WWOX: variants seen among roughly 807,000 people sequenced by gnomAD.
The protein encoded by WWOX is WW domain-containing oxidoreductase.
A neutral mutation model predicts 46.2 loss-of-function variants in WWOX; 69 were observed. That is an observed-to-expected ratio of 1.49 (90% CI 1.23 to 1.82). The LOEUF is 1.82. Among genes scored for constraint, WWOX ranks in the 40% most tolerant of loss-of-function variants. WWOX has a pLI of 0.00. For missense variants in WWOX, 919 were observed against 542.6 expected (o/e 1.69, Z -6.89); for synonymous variants, 359 against 202.6 (o/e 1.77, Z -6.56).
intron 8 of WWOX, among the ~76,000 whole-genome samples, chr16:78,711,855 A>G (rs571331667): frequency 7.2e-5 from 11 of 152,298 alleles, no homozygotes; most frequent in African/African-American, 2.4e-4. Flanking sequence ...ATTATTCCGT[A>G]AACACATCTT....
In WWOX at chr16:78,528,180, T is replaced by C. The variant is rs1345295931; in HGVS notation, c.1056+95428T>C. 3.5e-3 allele frequency among the ~76,000 whole-genome samples: 467 copies of C among 132,252 alleles called. 10 individuals carry two copies. Among genetic ancestry groups the C allele is most frequent in the African/African-American group, 0.013 (443 of 33,550 alleles). The allele number at this position is 132,252 out of a possible 152,430, so 86.8% of individuals were successfully genotyped here. ...CACCTGGCTAATTTTTTTTTTTTTT[T>C]TTTTTTTGCATTTTTAGTCGAGACA... On this transcript the variant is annotated intron_variant, in intron 8 of 8. Transcript: ENST00000566780.
chr16:78,567,389 C>CAAA (rs749420776), intron 8 of WWOX, among the ~76,000 whole-genome samples: 4,042 of 138,544 alleles, frequency 0.029, 71 homozygotes, highest in Middle Eastern at 0.07. Context: ...ACTAAAAATA[C>CAAA]AAAAAAAAAA....
intron 8 of WWOX, among the ~76,000 whole-genome samples, chr16:78,813,965 T>C (rs2051264396): frequency 6.6e-6 from 1 of 152,132 alleles, no homozygotes; most frequent in African/African-American, 2.4e-5. Flanking sequence ...CCACCCCCAA[T>C]TCTATAGGTT....
chr16:79,096,225 C>A (rs1361443345), intron 8 of WWOX, among the ~76,000 whole-genome samples: 1 of 151,972 alleles, frequency 6.6e-6, no homozygotes, highest in Non-Finnish European at 1.5e-5. Flanking sequence ...CCTTTCAGTT[C>A]TTTCTCCACG....
intron 8 of WWOX, among the ~76,000 whole-genome samples, chr16:78,819,170 T>A (rs539667378): frequency 3.9e-4 from 59 of 152,300 alleles, no homozygotes; most frequent in Middle Eastern, 3.4e-3. Flanking sequence ...TTCTTTTGGA[T>A]CTTCTCAGCC....
chr16:78,764,097 C>G (rs2049866950), intron 8 of WWOX, among the ~76,000 whole-genome samples: 1 of 152,150 alleles, frequency 6.6e-6, no homozygotes, highest in Non-Finnish European at 1.5e-5. Context: ...GTAGGATCAG[C>G]TGGTGCTCCA....
At chr16:78,196,015 T>C (rs2036040350) in intron 5 of WWOX, among the ~76,000 whole-genome samples, 1 of 152,168 alleles carries the variant, frequency 6.6e-6, no homozygotes, top group Non-Finnish European at 1.5e-5. Flanking sequence ...GGCTTCCTTC[T>C]ATTAGAGAAG....
At chr16:78,295,713 AAAACAAACAAACAAAC>A (rs34994613) in intron 5 of WWOX, among the ~76,000 whole-genome samples, 4,424 of 151,362 alleles carry the variant, frequency 0.029, 92 homozygotes, top group Middle Eastern at 0.092. Context: ...TCAGTCTTAA[AAAACAAACAAACAAAC>A]AAACAAACAA....
chr16:78,507,718 TATA>T (rs1345091087), intron 8 of WWOX, among the ~76,000 whole-genome samples: 4 of 152,112 alleles, frequency 2.6e-5, no homozygotes, highest in African/African-American at 9.7e-5. Context: ...TTGCTTGAAT[TATA>T]ATATGGTAGA....
At chr16:78,670,342 G>T (rs1400169260) in intron 8 of WWOX, among the ~76,000 whole-genome samples, 1 of 152,150 alleles carries the variant, frequency 6.6e-6, no homozygotes, top group African/African-American at 2.4e-5. Context: ...ACCTTTCCAA[G>T]CTCCCCAGTG....
chr16:79,111,210 T>C (rs542601706), intron 8 of WWOX, among the ~76,000 whole-genome samples: 1 of 152,346 alleles, frequency 6.6e-6, no homozygotes, highest in South Asian at 2.1e-4. Flanking sequence ...CTTTATGGTA[T>C]GACCAAGGGC....
chr16:78,369,199 A>G (rs955791441), intron 5 of WWOX, among the ~76,000 whole-genome samples: 4 of 152,158 alleles, frequency 2.6e-5, no homozygotes, highest in African/African-American at 7.2e-5. Context: ...TGTGCTAGAC[A>G]TTATTCTGAG....
At chr16:78,518,989 C>G (rs2043294321) in intron 8 of WWOX, among the ~76,000 whole-genome samples, 1 of 152,116 alleles carries the variant, frequency 6.6e-6, no homozygotes, top group Admixed American at 6.5e-5. Flanking sequence ...GTCTTCTGAG[C>G]TGATTTCTCA....
At chr16:78,674,481 C>T (rs1020625474) in intron 8 of WWOX, among the ~76,000 whole-genome samples, 1 of 151,992 alleles carries the variant, frequency 6.6e-6, no homozygotes, top group Non-Finnish European at 1.5e-5. Flanking sequence ...GATGGGGTTT[C>T]ACCATGTTAG....
At chr16:78,761,307 A>G (rs1393583324) in intron 8 of WWOX, among the ~76,000 whole-genome samples, 2 of 152,112 alleles carry the variant, frequency 1.3e-5, no homozygotes, top group African/African-American at 4.8e-5. Context: ...GTCTTTATCA[A>G]TCTGTTTGGA....
intron 8 of WWOX, among the ~76,000 whole-genome samples, chr16:79,083,692 G>T (rs193112033): frequency 2.6e-5 from 4 of 152,100 alleles, no homozygotes; most frequent in Non-Finnish European, 4.4e-5. Flanking sequence ...ATACTGCTAC[G>T]GTAAACCGAT....
intron 8 of WWOX, among the ~76,000 whole-genome samples, chr16:78,572,342 G>T (rs1016997480): frequency 1.3e-5 from 2 of 152,122 alleles, no homozygotes; most frequent in Non-Finnish European, 2.9e-5. Context: ...CACCTGTAAT[G>T]CCAGCACTTT....
At chr16:78,879,198 C>T (rs547662222) in intron 8 of WWOX, among the ~76,000 whole-genome samples, 2 of 152,222 alleles carry the variant, frequency 1.3e-5, no homozygotes, top group African/African-American at 4.8e-5. Flanking sequence ...CGGTCATAGA[C>T]CTCAGTTGCA....
chr16:78,619,167 A>G (rs1339312108), intron 8 of WWOX, among the ~76,000 whole-genome samples: 3 of 5,418 alleles, frequency 5.5e-4, no homozygotes, highest in Non-Finnish European at 9.9e-4. Context: ...ATATATATAT[A>G]TATATATATA....
Sources: allele counts gnomAD v4.1 joint callset (sites outside exome capture counted in the v4.1 genomes callset), GRCh38; gene constraint gnomAD v4.1.1; transcripts MANE v1.5; gene names NCBI Gene and HGNC (gene_info 2026-07-23, HGNC 2026-07-21).